Variants in IQCB1 observed in about 807,000 individuals in gnomAD.
The protein encoded by IQCB1 is IQ calmodulin-binding motif-containing protein 1.
IQCB1 carries 56 observed loss-of-function variants against 84.4 expected under a neutral mutation model. The observed-to-expected ratio is 0.66, with a 90% CI of 0.54 to 0.83. The LOEUF (loss-of-function observed/expected upper bound fraction) is 0.83, where lower values mean the gene tolerates loss of function less well. IQCB1 is among the 40% of genes least tolerant of loss of function. The pLI is 0.00. For synonymous variants in IQCB1, 210 were observed against 234.8 expected (o/e 0.89, Z 0.96); for missense variants, 629 against 682.1 (o/e 0.92, Z 0.87).
intron 5 of IQCB1, among the ~76,000 whole-genome samples, chr3:121,810,538 AATAAGT>A (rs1159693717): frequency 1.3e-5 from 2 of 151,810 alleles, no homozygotes; most frequent in Admixed American, 6.6e-5. Flanking sequence ...TAATTAACTG[AATAAGT>A]ATATTTATAA....
At chr3:121,815,719 C>T (rs931258830) in intron 5 of IQCB1, among the ~76,000 whole-genome samples, 2 of 151,994 alleles carry the variant, frequency 1.3e-5, no homozygotes, top group Admixed American at 6.6e-5. Context: ...AGGACCTCTT[C>T]AAGGATAACT....
At chr3:121,775,377 G>A (rs750429276) in intron 13 of IQCB1, among the ~76,000 whole-genome samples, 9 of 152,210 alleles carry the variant, frequency 5.9e-5, no homozygotes, top group African/African-American at 9.7e-5. Context: ...TACAAGAACA[G>A]AAAACCAAAC....
At chr3:121,784,104 G>C (rs1948612825) in intron 12 of IQCB1, among the ~76,000 whole-genome samples, 1 of 150,740 alleles carries the variant, frequency 6.6e-6, no homozygotes, top group African/African-American at 2.4e-5. Context: ...TAAGTTATTT[G>C]ATTTTCCATC....
intron 5 of IQCB1, among the ~76,000 whole-genome samples, chr3:121,814,331 G>A (rs567677523): frequency 5.7e-4 from 86 of 152,182 alleles, no homozygotes; most frequent in African/African-American, 2.0e-3. Context: ...ATCTAAAATC[G>A]ACACCCTAAC....
rs1202641184 is a variant in IQCB1, at chr3:121,800,528, G to A, written c.588-1154C>T. Among the ~76,000 whole-genome samples, 4 of 151,022 alleles carry A rather than the reference G, an allele frequency of 2.6e-5. No individual in the cohort carries two copies. The Middle Eastern group carries it at 0.01, about 385-fold the overall frequency. ...TTGTGACATCTACTTCTGTGCCACT[G>A]TGTCTCTTACATGCTATTCCCTATG... On this transcript the variant is annotated intron_variant, in intron 7 of 14. Transcript: ENST00000310864.
rs192296154 is a variant in IQCB1 at position 121,795,577 on chromosome 3, G to A, written c.877-11C>T. ...TGCTTGATGTAGTTTCTGAAATGCCGAAAATAATTTAGAGATATCTCTAGG... is the reference window on the plus strand; with the variant it reads ...TGCTTGATGTAGTTTCTGAAATGCCAAAAATAATTTAGAGATATCTCTAGG... On this transcript the variant is annotated splice_polypyrimidine_tract_variant and intron_variant, in intron 9 of 14. Transcript: ENST00000310864. 154 of 1,499,290 alleles carry A rather than the reference G, an allele frequency of 1.0e-4. No individual in the cohort carries two copies. In the African/African-American group the frequency reaches 1.5e-3, roughly 15 times the overall value. The allele number at this position is 1,499,290 out of a possible 1,614,324, so 92.9% of individuals were successfully genotyped here.
chr3:121,786,168 C>CGAA lies in IQCB1; in HGVS notation c.1278+2115_1278+2116insTTC, dbSNP rs1948707262. On this transcript the variant is annotated intron_variant, in intron 12 of 14. Transcript: ENST00000310864. ...CCTGGGAGACAGAGAGAGATTCTGT[C>CGAA]TCAAAAGAAAAGAAAAGAAAAGAAA... 1.7e-4 allele frequency among the ~76,000 whole-genome samples: 4 copies of CGAA among 24,004 alleles called. No homozygotes were observed. In the South Asian group the frequency reaches 4.3e-3, roughly 26 times the overall value. 15.7% of individuals were successfully genotyped at this position (24,004 alleles called of 152,430 possible).
intron 10 of IQCB1, among the ~76,000 whole-genome samples, chr3:121,795,057 T>C (rs992194612): frequency 1.3e-5 from 2 of 152,132 alleles, no homozygotes; most frequent in African/African-American, 4.8e-5. Context: ...AAGATATCCA[T>C]CCATGCCATA....
chr3:121,808,847 A>T, intron 6 of IQCB1, 69 bp downstream of exon 6: 1 of 954,364 alleles, frequency 1.0e-6, no homozygotes, highest in African/African-American at 1.6e-5. Flanking sequence ...TGTTTTTGGA[A>T]AAAACGATCA....
Position 121,790,078 on chromosome 3 carries a change from T to C in IQCB1, c.1124A>G (p.His375Arg), listed in dbSNP as rs776325519. ...ELQLSMLEIVHPGQVEKHYRE... is the reference protein window; with the variant it reads ...ELQLSMLEIVRPGQVEKHYRE... The stretch of plus-strand genomic sequence containing the variant: ...AAGTTGATACTGCCACTCACCTGGA[T>C]GAACTATTTCGAGCATACTCAGCTG... Residue 375 changes from histidine (H) to arginine (R), a missense_variant, in exon 11 of 15, where the codon CAT (histidine) becomes CGT (arginine). His to Arg is a conservative substitution (Grantham distance 29). Coordinates refer to ENST00000310864, the MANE Select transcript of IQCB1 (RefSeq NM_001023570.4). The C allele has an allele frequency of 6.2e-7, 1 of 1,613,322 alleles. No individual in the cohort carries two copies. The highest frequency in any genetic ancestry group is 8.5e-7 in the Non-Finnish European group (1 of 1,179,288).
At chr3:121,833,168 A>G (rs1043156757) in intron 2 of IQCB1, among the ~76,000 whole-genome samples, 2 of 152,222 alleles carry the variant, frequency 1.3e-5, no homozygotes, top group African/African-American at 4.8e-5. Flanking sequence ...CCTGGCACAT[A>G]GTAAGAGCTC....
intron 9 of IQCB1, among the ~76,000 whole-genome samples, chr3:121,795,826 T>G (rs1043796555): frequency 6.6e-6 from 1 of 152,184 alleles, no homozygotes; most frequent in African/African-American, 2.4e-5. Flanking sequence ...AAAGATTTCA[T>G]AGTCCGCCTG....
intron 8 of IQCB1, 49 bp from the exon 9 acceptor site, chr3:121,797,276 TG>T: frequency 2.1e-5 from 18 of 857,496 alleles, no homozygotes; most frequent in Non-Finnish European, 2.8e-5. Flanking sequence ...TAATAAAATA[TG>T]ATTTTGTTAT....
intron 5 of IQCB1, among the ~76,000 whole-genome samples, chr3:121,819,276 T>C (rs1458919368): frequency 1.3e-5 from 2 of 152,180 alleles, no homozygotes; most frequent in Non-Finnish European, 2.9e-5. Flanking sequence ...CATTAGATTC[T>C]CATAATGAGC....
chr3:121,808,068 G>A (rs1576588597), intron 6 of IQCB1, among the ~76,000 whole-genome samples: 1 of 151,864 alleles, frequency 6.6e-6, no homozygotes, highest in East Asian at 1.9e-4. Context: ...CTAGAACAGG[G>A]AACATTTCTA....
chr3:121,786,216 G>GAAAAGAAAAGAAAAGAAAAGT (rs1948733285), intron 12 of IQCB1, among the ~76,000 whole-genome samples: 1 of 51,894 alleles, frequency 1.9e-5, no homozygotes. Context: ...AAAAGAAAAG[G>GAAAAGAAAAGAAAAGAAAAGT]ATGCTTTAAA....
chr3:121,822,141 A>T (rs760261831), intron 5 of IQCB1, among the ~76,000 whole-genome samples: 11 of 152,144 alleles, frequency 7.2e-5, no homozygotes, highest in Non-Finnish European at 1.2e-4. Context: ...AGTTCTCCTG[A>T]TTCTAAGGCC....
chr3:121,776,464 C>G (rs896212848), intron 13 of IQCB1, among the ~76,000 whole-genome samples: 2 of 152,180 alleles, frequency 1.3e-5, no homozygotes, highest in Non-Finnish European at 1.5e-5. Context: ...CTTTTACATT[C>G]CCCTAAGTGG....
intron 5 of IQCB1, among the ~76,000 whole-genome samples, chr3:121,820,516 T>C (rs557196242): frequency 1.3e-5 from 2 of 152,294 alleles, no homozygotes; most frequent in Non-Finnish European, 1.5e-5. Flanking sequence ...TTAGCATTCA[T>C]AAGAGGACTT....
Sources: allele counts gnomAD v4.1 joint callset (sites outside exome capture counted in the v4.1 genomes callset), GRCh38; gene constraint gnomAD v4.1.1; transcripts MANE v1.5; gene names NCBI Gene and HGNC (gene_info 2026-07-23, HGNC 2026-07-21).